PLAG1: variants seen among roughly 807,000 people sequenced by gnomAD.
The protein encoded by PLAG1 is PLAG1 zinc finger.
A neutral mutation model predicts 35.5 loss-of-function variants in PLAG1; 7 were observed. That is an observed-to-expected ratio of 0.20 (90% confidence interval 0.11 to 0.37). The LOEUF is 0.37. Ranked by LOEUF, PLAG1 falls within the 10% of genes least tolerant of loss-of-function variation. The pLI is 1.00. For missense variants in PLAG1, 454 were observed against 602.8 expected, an observed-to-expected ratio of 0.75 and a Z score of 2.58; for synonymous variants, 229 against 225.4, an observed-to-expected ratio of 1.02 and a Z score of -0.14.
intron 1 of PLAG1, among the ~76,000 whole-genome samples, chr8:56,190,920 G>T (rs932456295): frequency 1.3e-5 from 2 of 152,176 alleles, no homozygotes; most frequent in African/African-American, 2.4e-5. Flanking sequence ...AACTAAAGGG[G>T]TAAGAACATT....
rs1811327617 is a variant in PLAG1, at chr8:56,165,475, T to G, written c.*768A>C. The stretch of plus-strand genomic sequence containing the variant: ...CCAATGCCATACACTATTACTATTA[T>G]TAAATGAAAAGATAGCATGTTAAGA... On this transcript the variant is annotated 3_prime_UTR_variant, in exon 5 of 5. Transcript: ENST00000316981. 3 of 213,520 alleles carry G rather than the reference T, an allele frequency of 1.4e-5. No homozygotes were observed. Among genetic ancestry groups the G allele is most frequent in the Non-Finnish European group, 2.8e-5 (3 of 105,568 alleles). 13.2% of individuals were successfully genotyped at this position (213,520 alleles called of 1,614,324 possible). A position where few individuals can be genotyped will look rare whatever the true frequency, so the allele number is the denominator to read the frequency against.
chr8:56,188,450 T>A (rs988594466), intron 1 of PLAG1, among the ~76,000 whole-genome samples: 6 of 152,250 alleles, frequency 3.9e-5, no homozygotes, highest in African/African-American at 1.4e-4. Flanking sequence ...ACACTCTTGT[T>A]TACCCCTTGA....
chr8:56,200,451 T>G (rs1357969208), intron 1 of PLAG1, among the ~76,000 whole-genome samples: 2 of 152,232 alleles, frequency 1.3e-5, no homozygotes, highest in African/African-American at 4.8e-5. Context: ...TGGAACATAT[T>G]CACATTTCTG....
chr8:56,192,431 G>C (rs73596214), intron 1 of PLAG1, among the ~76,000 whole-genome samples: 2,502 of 152,296 alleles, frequency 0.016, 78 homozygotes, highest in African/African-American at 0.057. Flanking sequence ...TTCTCAAGTG[G>C]TATAGCTTTT....
intron 1 of PLAG1, among the ~76,000 whole-genome samples, chr8:56,183,958 T>C (rs1811945195): frequency 6.6e-6 from 1 of 152,006 alleles, no homozygotes; most frequent in South Asian, 2.1e-4. Context: ...GCACAACCCA[T>C]AAAATAAACA....
intron 1 of PLAG1, among the ~76,000 whole-genome samples, chr8:56,210,605 G>C (rs1812856198): frequency 6.6e-6 from 1 of 152,188 alleles, no homozygotes. Context: ...GTTTCCGCCA[G>C]GCCCTTTGGG....
At chr8:56,181,203 A>C (rs943506083) in intron 1 of PLAG1, among the ~76,000 whole-genome samples, 2 of 152,208 alleles carry the variant, frequency 1.3e-5, no homozygotes, top group Admixed American at 6.5e-5. Flanking sequence ...TTGACCCAGC[A>C]ATCCCATTAC....
chr8:56,201,526 C>A (rs1812553409), intron 1 of PLAG1, among the ~76,000 whole-genome samples: 1 of 152,138 alleles, frequency 6.6e-6, no homozygotes, highest in Admixed American at 6.5e-5. Context: ...TCGAATTACT[C>A]TGTCAACTCT....
rs753469783 is a variant in PLAG1 at position 56,166,895 on chromosome 8, T to C, written c.851A>G (p.Asn284Ser). 6.2e-7 allele frequency: 1 copy of C among 1,614,100 alleles called. No homozygotes were observed. The highest frequency in any genetic ancestry group is 1.7e-5 in the Admixed American group (1 of 60,004). Residue 284 changes from asparagine to serine, a missense_variant, in exon 5 of 5, where the codon AAC becomes AGC. Physicochemically the swap from Asn to Ser is conservative, Grantham distance 46. Transcript: ENST00000316981. ...SSELLSKPFTNTLQLNLYNTP... is the reference protein window; with the variant it reads ...SSELLSKPFTSTLQLNLYNTP... ...GTTGTAGAGGTTTAACTGCAAAGTG[T>C]TTGTGAATGGCTTTGATAACAGTTC...
In PLAG1 at chr8:56,168,027, C is replaced by A; in HGVS notation, c.242+1G>T. On this transcript the variant is annotated splice_donor_variant, in intron 4 of 4. Transcript: ENST00000316981. LOFTEE classifies it high-confidence loss of function. The stretch of plus-strand genomic sequence containing the variant: ...TCTGAAAGACAAATAGAGTTTAATA[C>A]CTTTGTAATTTGTACTTAGAAACAA... 1 of 1,468,184 alleles carries A rather than the reference C, an allele frequency of 6.8e-7. No individual in the cohort carries two copies. The highest frequency in any genetic ancestry group is 9.5e-7 in the Non-Finnish European group (1 of 1,058,122). The allele number at this position is 1,468,184 out of a possible 1,614,324, so 90.9% of individuals were successfully genotyped here.
At chr8:56,179,375 A>C in intron 2 of PLAG1, 34 bp downstream of exon 2, 1 of 251,832 alleles carries the variant, frequency 4.0e-6, no homozygotes, top group Non-Finnish European at 6.3e-6. Context: ...AATCACTTTG[A>C]AAGTCATGCC....
rs1472083684 is a variant in PLAG1 at position 56,167,755 on chromosome 8, T to C, written c.243-252A>G. On this transcript the variant is annotated intron_variant, in intron 4 of 4. Transcript: ENST00000316981. The surrounding 1 kb of genome is among the most constrained non-coding windows in gnomAD (Gnocchi z 5.9). ...AGCAAATGAGCAAGACTGAATATACTCACGTAAACGTCCTTACCCTTTTCT... is the reference window on the plus strand; with the variant it reads ...AGCAAATGAGCAAGACTGAATATACCCACGTAAACGTCCTTACCCTTTTCT... 6.6e-6 allele frequency among the ~76,000 whole-genome samples: 1 copy of C among 152,244 alleles called. No individual in the cohort carries two copies. The highest frequency in any genetic ancestry group is 1.9e-4 in the East Asian group (1 of 5,200).
chr8:56,166,170 G>A lies in PLAG1; in HGVS notation c.*73C>T. 1 of 1,016,414 alleles carries A rather than the reference G, an allele frequency of 9.8e-7. No homozygotes were observed. The highest frequency in any genetic ancestry group is 1.9e-5 in the South Asian group (1 of 52,306). 63.0% of individuals were successfully genotyped at this position (1,016,414 alleles called of 1,614,324 possible). ...AAATTTTTATACTGTTTTAAAGTAG[G>A]CACTAAAATAAAAATGGTCATCTAG... is the stretch of plus-strand genomic sequence containing the variant. On this transcript the variant is annotated 3_prime_UTR_variant, in exon 5 of 5. Transcript: ENST00000316981.
At position 56,163,210 on chromosome 8, in the gene PLAG1, CTTTTTT is replaced by C. The variant is rs34779318; in HGVS notation, c.*3027_*3032del. 6.7e-4 allele frequency: 65 copies of C among 97,190 alleles called. No homozygotes were observed. The highest frequency in any genetic ancestry group is 6.0e-3 in the East Asian group (27 of 4,486). 6.0% of individuals were successfully genotyped at this position (97,190 alleles called of 1,614,324 possible). A position where few individuals can be genotyped will look rare whatever the true frequency, so the allele number is the denominator to read the frequency against. On this transcript the variant is annotated 3_prime_UTR_variant, in exon 5 of 5. Transcript: ENST00000316981. Reference sequence around the variant, plus strand: ...AACTACTTTTATTTAATGTTAATCCCTTTTTTTTTTTTTTTTTTTTTTTTTTAACCA... The same window carrying C: ...AACTACTTTTATTTAATGTTAATCCCTTTTTTTTTTTTTTTTTTTTAACCA...
chr8:56,182,293 T>C (rs1037561222), intron 1 of PLAG1, among the ~76,000 whole-genome samples: 5 of 152,158 alleles, frequency 3.3e-5, no homozygotes, highest in Non-Finnish European at 7.4e-5. Flanking sequence ...CTTATGTGCC[T>C]AATAGTATTA....
intron 2 of PLAG1, among the ~76,000 whole-genome samples, chr8:56,178,454 A>G (rs868353258): frequency 6.6e-6 from 1 of 152,228 alleles, no homozygotes; most frequent in Non-Finnish European, 1.5e-5. Flanking sequence ...TATAGTATAC[A>G]GATAGCTAAA....
In PLAG1 at chr8:56,162,965, T is replaced by TG; in HGVS notation, c.*3277dup. 1 of 212,934 alleles carries TG rather than the reference T, an allele frequency of 4.7e-6. No homozygotes were observed. 13.2% of individuals were successfully genotyped at this position (212,934 alleles called of 1,614,324 possible). A position where few individuals can be genotyped will look rare whatever the true frequency, so the allele number is the denominator to read the frequency against. On this transcript the variant is annotated 3_prime_UTR_variant, in exon 5 of 5. Transcript: ENST00000316981. Reference sequence around the variant, plus strand: ...GTGATGCATAATCAGCCAGGACAATTGAAGTTTTAAAAAACTGAACTTGGT... The same window carrying TG: ...GTGATGCATAATCAGCCAGGACAATTGGAAGTTTTAAAAAACTGAACTTGGT...
chr8:56,191,814 A>C (rs1307562899), intron 1 of PLAG1, among the ~76,000 whole-genome samples: 2 of 152,058 alleles, frequency 1.3e-5, no homozygotes, highest in Non-Finnish European at 2.9e-5. Context: ...ACAGGAAAAA[A>C]AAAAAAAAAA....
At chr8:56,170,205 G>A (rs1811481274) in intron 3 of PLAG1, among the ~76,000 whole-genome samples, 1 of 152,192 alleles carries the variant, frequency 6.6e-6, no homozygotes, top group Non-Finnish European at 1.5e-5. Flanking sequence ...GGTAGATACA[G>A]GCAAGGCCTT....
Sources: gnomAD v4.1 joint callset for allele counts (sites outside exome capture counted in the v4.1 genomes callset) on GRCh38, gnomAD v4.1.1 for gene constraint, Gnocchi (gnomAD v3.1) non-coding constraint, MANE v1.5 for transcripts, NCBI Gene and HGNC (gene_info 2026-07-23, HGNC 2026-07-21) for gene names.